The following XKR4 variants were observed in gnomAD, a reference collection of about 807,000 sequenced individuals.
XKR4 encodes the protein XK-related protein 4.
Under a neutral mutation model 53.9 loss-of-function variants are expected in XKR4, and 12 were observed. The ratio of observed to expected loss-of-function variants is 0.22; its 90% CI spans 0.14 to 0.36. The LOEUF (loss-of-function observed/expected upper bound fraction) is 0.36. Ranked by LOEUF, XKR4 falls within the 10% of genes least tolerant of loss-of-function variation. XKR4 has a pLI of 1.00. For synonymous variants in XKR4, 354 were observed against 362.4 expected (o/e 0.98, Z 0.26); for missense variants, 799 against 859.5 (o/e 0.93, Z 0.88).
chr8:55,162,820 G>GA (rs1245892611), intron 1 of XKR4, among the ~76,000 whole-genome samples: 1 of 151,860 alleles, frequency 6.6e-6, no homozygotes, highest in African/African-American at 2.4e-5. Context: ...TTTTTCTAAT[G>GA]AAAAAAACTG....
chr8:55,300,574 A>G (rs1819177684), intron 1 of XKR4, among the ~76,000 whole-genome samples: 1 of 152,030 alleles, frequency 6.6e-6, no homozygotes. Flanking sequence ...TGGAATAGAA[A>G]GTGAGTCTAT....
chr8:55,497,645 T>G (rs914579520), intron 2 of XKR4, among the ~76,000 whole-genome samples: 2 of 152,176 alleles, frequency 1.3e-5, no homozygotes, highest in African/African-American at 4.8e-5. Context: ...CCACATTCAA[T>G]CCAAATTCAA....
intron 1 of XKR4, among the ~76,000 whole-genome samples, chr8:55,206,201 G>A (rs181926829): frequency 7.9e-5 from 12 of 152,258 alleles, no homozygotes; most frequent in South Asian, 6.2e-4. Flanking sequence ...GAAGGGGGCC[G>A]GAGCGGGTTG....
intron 1 of XKR4, among the ~76,000 whole-genome samples, chr8:55,235,189 G>A (rs2129367431): frequency 6.6e-6 from 1 of 152,232 alleles, no homozygotes; most frequent in Admixed American, 6.5e-5. Context: ...ATCCTCACAT[G>A]GCCTTCTCCT....
At chr8:55,234,050 A>G (rs1818084078) in intron 1 of XKR4, among the ~76,000 whole-genome samples, 1 of 152,222 alleles carries the variant, frequency 6.6e-6, no homozygotes, top group South Asian at 2.1e-4. Flanking sequence ...CCGAATTAAT[A>G]GCACACAGGA....
At chr8:55,174,237 A>G (rs1015263483) in intron 1 of XKR4, among the ~76,000 whole-genome samples, 14 of 152,146 alleles carry the variant, frequency 9.2e-5, no homozygotes, top group Non-Finnish European at 1.9e-4. Flanking sequence ...CACTGAAAAA[A>G]TATCTTCTAA....
At chr8:55,403,010 A>G (rs1360079824) in intron 2 of XKR4, among the ~76,000 whole-genome samples, 2 of 152,120 alleles carry the variant, frequency 1.3e-5, no homozygotes, top group African/African-American at 4.8e-5. Context: ...TTTGGTTCCC[A>G]TCCTACGACA....
At position 55,177,626 on chromosome 8, in the gene XKR4, C is replaced by T. The variant is rs117830910; in HGVS notation, c.806+74332C>T. 6.1e-3 allele frequency among the ~76,000 whole-genome samples: 930 copies of T among 152,312 alleles called. 15 individuals are homozygous for T. In the East Asian group the frequency reaches 0.072, roughly 12 times the overall value. ...GTGAGCCCTGGCAGACATACTCCTG[C>T]TGGGAGGAAACATGTTCTCTTTGTC... is the stretch of plus-strand genomic sequence containing the variant. On this transcript the variant is annotated intron_variant, in intron 1 of 2. Transcript: ENST00000327381.
chr8:55,278,229 C>A (rs114094033), intron 1 of XKR4, among the ~76,000 whole-genome samples: 1 of 151,450 alleles, frequency 6.6e-6, no homozygotes, highest in Non-Finnish European at 1.5e-5. Flanking sequence ...CCCAGCTTCT[C>A]GGGAAGCTGG....
intron 2 of XKR4, among the ~76,000 whole-genome samples, chr8:55,494,246 G>A (rs1162817084): frequency 1.3e-5 from 2 of 152,236 alleles, no homozygotes; most frequent in African/African-American, 4.8e-5. Flanking sequence ...ACCCACAGCT[G>A]GCACTAGGGA....
chr8:55,336,041 C>CAAAAAAAA (rs34885296), intron 1 of XKR4, among the ~76,000 whole-genome samples: 9 of 113,658 alleles, frequency 7.9e-5, no homozygotes, highest in African/African-American at 1.6e-4. Flanking sequence ...AACTCTATAC[C>CAAAAAAAA]AAAAAAAAAA....
intron 2 of XKR4, among the ~76,000 whole-genome samples, chr8:55,368,287 G>A (rs1460532481): frequency 1.3e-5 from 2 of 152,082 alleles, no homozygotes; most frequent in East Asian, 1.9e-4. Flanking sequence ...CACTGCTCTC[G>A]TTAAAACTCC....
intron 1 of XKR4, among the ~76,000 whole-genome samples, chr8:55,165,784 G>A (rs1182090112): frequency 5.8e-5 from 8 of 136,800 alleles, no homozygotes; most frequent in Middle Eastern, 4.3e-3. Context: ...CAGCCTGGGC[G>A]ACAGAGCAAG....
chr8:55,288,500 T>C (rs10096742), intron 1 of XKR4, among the ~76,000 whole-genome samples: 17,306 of 152,222 alleles, frequency 0.11, 1,905 homozygotes, highest in African/African-American at 0.29. Context: ...CACTTGTAAA[T>C]GTAATTTCAG....
chr8:55,321,896 G>A (rs954592505), intron 1 of XKR4, among the ~76,000 whole-genome samples: 12 of 152,224 alleles, frequency 7.9e-5, no homozygotes, highest in African/African-American at 2.2e-4. Context: ...GGCTGAGGCA[G>A]GAGAATCTCT....
At chr8:55,348,901 TAGAC>T (rs1001351195) in intron 1 of XKR4, among the ~76,000 whole-genome samples, 81 of 152,086 alleles carry the variant, frequency 5.3e-4, no homozygotes, top group Admixed American at 2.6e-3. Context: ...TAAATACAGA[TAGAC>T]AGAGAGAAAG....
At chr8:55,383,077 G>A (rs1481647893) in intron 2 of XKR4, among the ~76,000 whole-genome samples, 2 of 152,160 alleles carry the variant, frequency 1.3e-5, no homozygotes, top group African/African-American at 4.8e-5. Flanking sequence ...GCCGGGTGTG[G>A]TGGTGCACTC....
rs775821352 is a variant in XKR4 at position 55,360,639 on chromosome 8, G to A, written c.1006+2762G>A. ...ATTCTTATTTAGCAGGGAGAGAATGGTCACTCTGTATGTGACTGTCTAAAA... is the reference window on the plus strand; with the variant it reads ...ATTCTTATTTAGCAGGGAGAGAATGATCACTCTGTATGTGACTGTCTAAAA... On this transcript the variant is annotated intron_variant, in intron 2 of 2. Coordinates refer to ENST00000327381, the MANE Select transcript of XKR4 (RefSeq NM_052898.2). Among the ~76,000 whole-genome samples the A allele has an allele frequency of 2.0e-5, 3 of 152,270 alleles. No individual in the cohort carries two copies. In the East Asian group the frequency reaches 5.8e-4, roughly 29 times the overall value.
intron 1 of XKR4, among the ~76,000 whole-genome samples, chr8:55,246,188 C>A (rs1818284214): frequency 6.6e-6 from 1 of 152,140 alleles, no homozygotes; most frequent in Non-Finnish European, 1.5e-5. Context: ...CACCCAACAC[C>A]ATATCTTGTG....
Sources: allele counts gnomAD v4.1 joint callset (sites outside exome capture counted in the v4.1 genomes callset), GRCh38; gene constraint gnomAD v4.1.1; transcripts MANE v1.5; gene names NCBI Gene and HGNC (gene_info 2026-07-23, HGNC 2026-07-21).